The following EXOSC9 variants were observed in gnomAD, a reference collection of about 807,000 sequenced individuals.
The protein encoded by EXOSC9 is exosome complex component RRP45.
In EXOSC9, 38 loss-of-function variants were observed where a neutral mutation model predicts 56.5. The ratio of observed to expected loss-of-function variants is 0.67; its 90% CI spans 0.52 to 0.88. The LOEUF is 0.88. Ranked by LOEUF, EXOSC9 falls within the 40% of genes least tolerant of loss-of-function variation. EXOSC9 has a pLI of 0.00. For missense variants in EXOSC9, 559 were observed against 530.5 expected (o/e 1.05, Z -0.53); for synonymous variants, 170 against 170.8 (o/e 0.99, Z 0.04).
At chr4:121,807,719 C>T (rs2149036268) in intron 6 of EXOSC9, 97 bp downstream of exon 6, 1 of 776,182 alleles carries the variant, frequency 1.3e-6, no homozygotes. Flanking sequence ...CAAACACTTC[C>T]CTTAATAGTA....
intron 6 of EXOSC9, 54 bp from the exon 7 acceptor site, chr4:121,809,913 A>C: frequency 6.2e-7 from 1 of 1,605,538 alleles, no homozygotes; most frequent in Non-Finnish European, 8.5e-7. Flanking sequence ...TTACCCAAGA[A>C]ATGGTAAGCA....
At chr4:121,801,688 T>C (rs1277822471) in intron 1 of EXOSC9, 139 bp from the exon 2 acceptor site, 7 of 811,406 alleles carry the variant, frequency 8.6e-6, no homozygotes, top group Non-Finnish European at 1.5e-5. Context: ...GTCCATGCTG[T>C]AGTTTCCACT....
In EXOSC9 at chr4:121,803,083, A is replaced by C. The variant is rs773716020; in HGVS notation, c.384+66A>C. ...CTGTTGATCATGGATCCCGGTATCT[A>C]TCCTTTTATTCTCAGAACTTTAGTT... On this transcript the variant is annotated intron_variant, in intron 4 of 11. Coordinates refer to ENST00000243498, the MANE Select transcript of EXOSC9 (RefSeq NM_005033.3). 1.1e-4 allele frequency: 125 copies of C among 1,135,602 alleles called. 1 individual carries two copies. Among genetic ancestry groups the C allele is most frequent in the Non-Finnish European group, 1.4e-4 (107 of 754,304 alleles). The allele number at this position is 1,135,602 out of a possible 1,614,324, so 70.3% of individuals were successfully genotyped here.
chr4:121,801,827 C>A lies in EXOSC9; in HGVS notation c.67C>A (p.Arg23=), dbSNP rs564772809. The A allele has an allele frequency of 1.2e-6, 2 of 1,610,148 alleles. No homozygotes were observed. The highest frequency in any genetic ancestry group is 4.5e-5 in the East Asian group (2 of 44,864). The change falls in exon 2 of 12, where the codon CGG becomes AGG. Residue 23 remains arginine (R), a splice_region_variant and synonymous_variant. Transcript: ENST00000243498. ...TTAATGAATGAATTTGTGCTTACAG[C>A]GGCTGGATGGCAGACAAACCTATGA... ...FLLRAIEEKK[R]LDGRQTYDYR...
At chr4:121,809,736 A>C (rs897001907) in intron 6 of EXOSC9, 1 of 545,370 alleles carries the variant, frequency 1.8e-6, no homozygotes, top group African/African-American at 1.9e-5. Context: ...ATCCAATCTG[A>C]ACTTAATGTG....
rs1507988 is a variant in EXOSC9, at chr4:121,816,317, C to T, written c.1157-52C>T. On this transcript the variant is annotated intron_variant, in intron 10 of 11. Coordinates refer to ENST00000243498, the MANE Select transcript of EXOSC9 (RefSeq NM_005033.3). ...TAAATTCATGTAGAAATAAATTTTG[C>T]AAGAGATTGCTTAACTTTTTTTTTT... 23,233 of 1,035,944 alleles carry T rather than the reference C, an allele frequency of 0.022. 1,752 individuals are homozygous for T. Among genetic ancestry groups the T allele is most frequent in the African/African-American group, 0.19 (11,048 of 57,174 alleles). The allele number at this position is 1,035,944 out of a possible 1,614,324, so 64.2% of individuals were successfully genotyped here.
intron 10 of EXOSC9, chr4:121,814,691 T>A (rs1478699999): frequency 1.3e-5 from 2 of 152,202 alleles, no homozygotes; most frequent in African/African-American, 4.8e-5. Flanking sequence ...TAAATTTTAC[T>A]TAATACAAAA....
intron 11 of EXOSC9, 46 bp downstream of exon 11, chr4:121,816,493 C>CAT (rs752777555): frequency 1.1e-5 from 14 of 1,223,666 alleles, no homozygotes; most frequent in Non-Finnish European, 1.5e-5. Context: ...ATACTCAACA[C>CAT]TTATAGAGGT....
chr4:121,815,692 C>T lies in EXOSC9; in HGVS notation c.1157-677C>T, dbSNP rs73844295. On this transcript the variant is annotated intron_variant, in intron 10 of 11. Transcript: ENST00000243498. ...TGTATTTTGGGCAGTATTAAAAACA[C>T]CAGCAATGCCAAAGGTATATGGGAA... The T allele has an allele frequency of 4.3e-3, 4,252 of 985,732 alleles. 115 individuals carry two copies. In the African/African-American group the frequency reaches 0.064, roughly 15 times the overall value. 61.1% of individuals were successfully genotyped at this position (985,732 alleles called of 1,614,324 possible).
rs763661773 is a variant in EXOSC9, at chr4:121,811,639, A to T, written c.795A>T (p.Ile265=). Residue 265 remains isoleucine (I), a synonymous_variant, in exon 8 of 12, where the codon ATA becomes ATT. Coordinates refer to ENST00000243498, the MANE Select transcript of EXOSC9 (RefSeq NM_005033.3). ...AAGTAGCAGAAATTACAGAGCTAAT[A>T]TTGAAAGCTTTGGAGAATGACCAAA... ...GVKVAEITEL[I]LKALENDQKV... is the part of the protein sequence containing the mutation. The T allele has an allele frequency of 6.3e-7, 1 of 1,589,514 alleles. No individual in the cohort carries two copies. The highest frequency in any genetic ancestry group is 1.2e-5 in the South Asian group (1 of 85,238).
chr4:121,802,888 T>G, intron 3 of EXOSC9, 27 bp from the exon 4 acceptor site: 1 of 1,610,356 alleles, frequency 6.2e-7, no homozygotes, highest in Non-Finnish European at 8.5e-7. Context: ...TTCATGACAT[T>G]AGCCCATTCC....
At chr4:121,801,602 C>T in intron 1 of EXOSC9, 112 bp downstream of exon 1, 1 of 997,138 alleles carries the variant, frequency 1.0e-6, no homozygotes, top group Non-Finnish European at 1.6e-6. Flanking sequence ...ACGACCGGCA[C>T]GTTCACCCCA....
Position 121,807,533 on chromosome 4 carries a change from G to C in EXOSC9, c.523-7G>C. 1 of 1,564,192 alleles carries C rather than the reference G, an allele frequency of 6.4e-7. No homozygotes were observed. The highest frequency in any genetic ancestry group is 8.7e-7 in the Non-Finnish European group (1 of 1,143,506). On this transcript the variant is annotated splice_region_variant and splice_polypyrimidine_tract_variant and intron_variant, in intron 5 of 11. Transcript: ENST00000243498. ...CTATAATTATTAAACATTTTCTTTT[G>C]AAACAGTATACACCTGAAGAGCGTG...
Position 121,813,974 on chromosome 4 carries a change from T to G in EXOSC9, c.1083T>G (p.Gly361=). The change falls in exon 10 of 12, where the codon GGT becomes GGG. Residue 361 remains glycine, a synonymous_variant. Transcript: ENST00000243498. ...EDSEKEDDEG[G]GDQAIILDGI... ...CTGAGAAGGAAGATGATGAAGGCGG[T>G]GGTGATCAAGCTATCATTCTTGATG... is the stretch of plus-strand genomic sequence containing the variant. The G allele has an allele frequency of 6.2e-7, 1 of 1,613,656 alleles. No homozygotes were observed. The highest frequency in any genetic ancestry group is 8.5e-7 in the Non-Finnish European group (1 of 1,179,734).
At chr4:121,809,179 G>A (rs1168875843) in intron 6 of EXOSC9, among the ~76,000 whole-genome samples, 1 of 150,322 alleles carries the variant, frequency 6.7e-6, no homozygotes, top group African/African-American at 2.5e-5. Flanking sequence ...TAGAGACAGG[G>A]TCTCACTTTG....
chr4:121,814,084 C>A, intron 10 of EXOSC9, 37 bp downstream of exon 10: 1 of 1,232,858 alleles, frequency 8.1e-7, no homozygotes, highest in Non-Finnish European at 1.2e-6. Context: ...CTATATATTA[C>A]ATACATATAG....
intron 3 of EXOSC9, 58 bp from the exon 4 acceptor site, chr4:121,802,857 T>G: frequency 9.3e-6 from 15 of 1,611,322 alleles, no homozygotes; most frequent in Non-Finnish European, 1.3e-5. Flanking sequence ...TGAGCTTTTG[T>G]TTTAATACCT....
intron 3 of EXOSC9, 58 bp downstream of exon 3, chr4:121,802,851 CT>C (rs1413392415): frequency 7.5e-5 from 121 of 1,611,594 alleles, no homozygotes; most frequent in Non-Finnish European, 4.4e-5. Flanking sequence ...CAGCAGTGAG[CT>C]TTTGTTTTAA....
chr4:121,803,106 G>A (rs1183974718), intron 4 of EXOSC9, 89 bp downstream of exon 4: 10 of 923,094 alleles, frequency 1.1e-5, no homozygotes, highest in Non-Finnish European at 1.7e-5. Flanking sequence ...CAGAACTTTA[G>A]TTAACTCAGT....
Sources: gnomAD v4.1 joint callset for allele counts (sites outside exome capture counted in the v4.1 genomes callset) on GRCh38, gnomAD v4.1.1 for gene constraint, MANE v1.5 for transcripts, NCBI Gene and HGNC (gene_info 2026-07-23, HGNC 2026-07-21) for gene names.